Variants in LTBR observed in about 807,000 individuals in gnomAD.
LTBR encodes the protein tumor necrosis factor receptor superfamily member 3.
In LTBR, 15 loss-of-function variants were observed where a neutral mutation model predicts 45.4. That is an observed-to-expected ratio of 0.33 (90% CI 0.22 to 0.51). The LOEUF is 0.51. LTBR is among the 20% of genes least tolerant of loss of function. The pLI is 0.97. For missense variants in LTBR, 450 were observed against 565.5 expected (o/e 0.80, Z 2.07); for synonymous variants, 228 against 231.0 (o/e 0.99, Z 0.12).
At chr12:6,378,200 T>C (rs1310486436) in intron 1 of LTBR, among the ~76,000 whole-genome samples, 2 of 145,534 alleles carry the variant, frequency 1.4e-5, no homozygotes, top group Non-Finnish European at 3.0e-5. Flanking sequence ...TAAACTTACA[T>C]GTATTTTTAA....
upstream of LTBR, among the ~76,000 whole-genome samples, chr12:6,379,975 A>G (rs1948967212): frequency 6.6e-6 from 1 of 151,498 alleles, no homozygotes; most frequent in South Asian, 2.1e-4. Flanking sequence ...AAAGAAGTTC[A>G]CTACTAGAAG....
upstream of LTBR, among the ~76,000 whole-genome samples, chr12:6,383,109 G>A (rs1487401307): frequency 1.3e-5 from 2 of 152,206 alleles, no homozygotes; most frequent in South Asian, 2.1e-4. Context: ...AAGCAAACAA[G>A]ACAGCCAGGT....
chr12:6,383,322 A>G (rs1176957355), upstream of LTBR, among the ~76,000 whole-genome samples: 1 of 152,174 alleles, frequency 6.6e-6, no homozygotes, highest in Non-Finnish European at 1.5e-5. Flanking sequence ...GAAACAGGGC[A>G]GGAACGAGAC....
chr12:6,386,299 C>T lies in LTBR; in HGVS notation c.570-48C>T, dbSNP rs1949047081. 5 of 1,561,736 alleles carry T rather than the reference C, an allele frequency of 3.2e-6. No homozygotes were observed. The highest frequency in any genetic ancestry group is 3.5e-6 in the Non-Finnish European group (4 of 1,134,102). On this transcript the variant is annotated intron_variant, in intron 5 of 9. Transcript: ENST00000228918. This position sits in a 1 kb window ranked among gnomAD's most constrained non-coding sequence, Gnocchi z 4.1. ...CCGCCTGCCCAGTGGAGTCGGGACACTGGTGGGCCAGGGCGTGAAAAGGTC... is the reference window on the plus strand; with the variant it reads ...CCGCCTGCCCAGTGGAGTCGGGACATTGGTGGGCCAGGGCGTGAAAAGGTC...
chr12:6,384,212 C>T lies in LTBR; in HGVS notation c.-147C>T. 1 of 1,321,086 alleles carries T rather than the reference C, an allele frequency of 7.6e-7. No individual in the cohort carries two copies. Among genetic ancestry groups the T allele is most frequent in the Non-Finnish European group, 9.6e-7 (1 of 1,040,376 alleles). 81.8% of individuals were successfully genotyped at this position (1,321,086 alleles called of 1,614,324 possible). On this transcript the variant is annotated 5_prime_UTR_variant, in exon 1 of 10. Transcript: ENST00000228918. ...GGGAGCCCTGGAGGCCCGGCCTGGC[C>T]GCTCCCGGCCCTGGGGTGCACATCG...
rs1216049477 is a variant in LTBR, at chr12:6,388,348, C to T, written c.668-50C>T. ...GAAAGCTCTTCCTTCTCCTCCTCCCCTCTGCCCTTCTTGGGGCTGTGATCA... is the reference window on the plus strand; with the variant it reads ...GAAAGCTCTTCCTTCTCCTCCTCCCTTCTGCCCTTCTTGGGGCTGTGATCA... On this transcript the variant is annotated intron_variant, in intron 6 of 9. Coordinates refer to ENST00000228918, the MANE Select transcript of LTBR (RefSeq NM_002342.3). This position sits in a 1 kb window ranked among gnomAD's most constrained non-coding sequence, Gnocchi z 4.3. The T allele has an allele frequency of 2.2e-6, 3 of 1,389,472 alleles. No homozygotes were observed. The highest frequency in any genetic ancestry group is 2.0e-6 in the Non-Finnish European group (2 of 977,664). The allele number at this position is 1,389,472 out of a possible 1,614,324, so 86.1% of individuals were successfully genotyped here. A position where few individuals can be genotyped will look rare whatever the true frequency, so the allele number is the denominator to read the frequency against.
At chr12:6,375,544 G>A (rs1411551635) in exon 1 of LTBR, 10 of 1,534,864 alleles carry the variant, frequency 6.5e-6, no homozygotes, top group East Asian at 2.5e-5. Flanking sequence ...CCCGCCCGCT[G>A]GCCGGCCAGG....
upstream of LTBR, among the ~76,000 whole-genome samples, chr12:6,380,355 GAGA>G (rs1948971476): frequency 6.6e-6 from 1 of 152,158 alleles, no homozygotes; most frequent in Admixed American, 6.5e-5. Flanking sequence ...GAGCAGAGTG[GAGA>G]AGAAGAGAGA....
upstream of LTBR, chr12:6,375,398 T>A (rs1228301347): frequency 5.3e-6 from 8 of 1,499,712 alleles, no homozygotes; most frequent in East Asian, 1.7e-4. Flanking sequence ...ACTGCAGGGC[T>A]CCAGGAGGTC....
At position 6,388,963 on chromosome 12, in the gene LTBR, G is replaced by GTA; in HGVS notation, c.801+139_801+140dup. ...ACTGATGATTTACTGAACATGCCAC[G>GTA]TACCAGGCACTGTCCTAGGCACTGG... is the stretch of plus-strand genomic sequence containing the variant. On this transcript the variant is annotated intron_variant, in intron 8 of 9. Coordinates refer to ENST00000228918, the MANE Select transcript of LTBR (RefSeq NM_002342.3). The surrounding 1 kb of genome is among the most constrained non-coding windows in gnomAD (Gnocchi z 4.3). 3 of 1,080,948 alleles carry GTA rather than the reference G, an allele frequency of 2.8e-6. No homozygotes were observed. Among genetic ancestry groups the GTA allele is most frequent in the Middle Eastern group, 4.3e-4 (2 of 4,662 alleles). The allele number at this position is 1,080,948 out of a possible 1,614,324, so 67.0% of individuals were successfully genotyped here. A position where few individuals can be genotyped will look rare whatever the true frequency, so the allele number is the denominator to read the frequency against.
upstream of LTBR, among the ~76,000 whole-genome samples, chr12:6,380,847 T>C (rs1948976146): frequency 1.3e-5 from 2 of 152,072 alleles, no homozygotes; most frequent in Admixed American, 1.3e-4. Context: ...CTTCTAGGCG[T>C]CCTGGGGTGC....
At chr12:6,385,506 C>T in intron 4 of LTBR, 127 bp downstream of exon 4, 1 of 1,139,416 alleles carries the variant, frequency 8.8e-7, no homozygotes, top group Non-Finnish European at 1.2e-6. Context: ...TTCCTCTTCT[C>T]ATTCCATGCA....
chr12:6,388,960 C>A lies in LTBR; in HGVS notation c.801+135C>A. ...TCAACTGATGATTTACTGAACATGC[C>A]ACGTACCAGGCACTGTCCTAGGCAC... On this transcript the variant is annotated intron_variant, in intron 8 of 9. Coordinates refer to ENST00000228918, the MANE Select transcript of LTBR (RefSeq NM_002342.3). This position sits in a 1 kb window ranked among gnomAD's most constrained non-coding sequence, Gnocchi z 4.3. 2.7e-6 allele frequency: 3 copies of A among 1,112,618 alleles called. No individual in the cohort carries two copies. The highest frequency in any genetic ancestry group is 4.0e-6 in the Non-Finnish European group (3 of 749,004). 68.9% of individuals were successfully genotyped at this position (1,112,618 alleles called of 1,614,324 possible).
chr12:6,380,211 T>G (rs1948969927), upstream of LTBR, among the ~76,000 whole-genome samples: 2 of 130,840 alleles, frequency 1.5e-5, no homozygotes, highest in Non-Finnish European at 3.1e-5. Flanking sequence ...GGGGGCAAAG[T>G]CACCCCCGTT....
At chr12:6,375,500 C>T (rs13306617) in exon 1 of LTBR, 106 of 1,535,470 alleles carry the variant, frequency 6.9e-5, no homozygotes, top group Non-Finnish European at 8.7e-5. Flanking sequence ...TCTCCTCCCC[C>T]TCACCTGACA....
intron 1 of LTBR, chr12:6,377,783 CA>C: frequency 1.5e-6 from 1 of 658,852 alleles, no homozygotes; most frequent in Non-Finnish European, 2.4e-6. Flanking sequence ...GAAATCCAAC[CA>C]CTAGCTTAAG....
At chr12:6,390,430 CA>C in intron 9 of LTBR, 90 bp downstream of exon 9, 1 of 1,207,488 alleles carries the variant, frequency 8.3e-7, no homozygotes, top group African/African-American at 1.5e-5. Flanking sequence ...ATAAAAAGAC[CA>C]AAACAGAGGC....
Position 6,375,578 on chromosome 12 carries a change from T to A in LTBR, c.23T>A (p.Leu8Ter). 6.8e-7 allele frequency: 1 copy of A among 1,473,800 alleles called. No homozygotes were observed. The highest frequency in any genetic ancestry group is 2.0e-5 in the Admixed American group (1 of 49,532). The allele number at this position is 1,473,800 out of a possible 1,614,324, so 91.3% of individuals were successfully genotyped here. A position where few individuals can be genotyped will look rare whatever the true frequency, so the allele number is the denominator to read the frequency against. ...GGGATGGAAGCGACAGGAATCTCAT[T>A]AGCATCTCAATTAAAGGTGAGCAGG... Residue 8 changes from leucine to a stop codon, truncating the protein, a stop_gained, in exon 1 of 10, where the codon TTA becomes TAA. Coordinates refer to the LTBR transcript ENST00000539925. LOFTEE classifies it high-confidence loss of function.
chr12:6,385,420 G>C (rs560000910), intron 4 of LTBR, 41 bp downstream of exon 4: 2 of 1,608,564 alleles, frequency 1.2e-6, no homozygotes, highest in Non-Finnish European at 1.7e-6. Context: ...AAGGAGGCTG[G>C]GTGCCAGGGA....
Sources: allele counts gnomAD v4.1 joint callset (sites outside exome capture counted in the v4.1 genomes callset), GRCh38; gene constraint gnomAD v4.1.1; non-coding constraint Gnocchi (gnomAD v3.1); transcripts MANE v1.5; gene names NCBI Gene and HGNC (gene_info 2026-07-23, HGNC 2026-07-21).